Variants in LARP1B observed in about 807,000 individuals in gnomAD.
LARP1B encodes the protein La ribonucleoprotein 1B, also known as la-related protein 1B.
A neutral mutation model predicts 114.2 loss-of-function variants in LARP1B; 76 were observed. The ratio of observed to expected loss-of-function variants is 0.67; its 90% CI spans 0.55 to 0.81. LARP1B has a LOEUF of 0.81. Ranked by LOEUF, LARP1B falls within the 30% of genes least tolerant of loss-of-function variation. LARP1B has a pLI of 0.00. For missense variants in LARP1B, 1,014 were observed against 1,075.8 expected, an observed-to-expected ratio of 0.94 and a Z score of 0.80; for synonymous variants, 345 against 348.0, an observed-to-expected ratio of 0.99 and a Z score of 0.10.
chr4:128,067,779 A>G (rs1314885284), intron 1 of LARP1B, among the ~76,000 whole-genome samples: 1 of 151,158 alleles, frequency 6.6e-6, no homozygotes, highest in African/African-American at 2.4e-5. Context: ...CAATGGAGCA[A>G]TCTCATTGCA....
At chr4:128,098,751 A>ATATATATG (rs1779047446) in intron 8 of LARP1B, among the ~76,000 whole-genome samples, 1 of 18,648 alleles carries the variant, frequency 5.4e-5, no homozygotes, top group Non-Finnish European at 1.0e-4. Flanking sequence ...GTATGTGTAT[A>ATATATATG]TATATATATA....
At chr4:128,181,054 C>CT (rs1210356392) in intron 15 of LARP1B, among the ~76,000 whole-genome samples, 2 of 151,786 alleles carry the variant, frequency 1.3e-5, no homozygotes, top group Non-Finnish European at 2.9e-5. Flanking sequence ...ATATTTGGGT[C>CT]TTTCTTTGCT....
intron 1 of LARP1B, among the ~76,000 whole-genome samples, chr4:128,066,165 C>CTTTT (rs59927866): frequency 0.016 from 1,579 of 99,098 alleles, 50 homozygotes; most frequent in East Asian, 0.077. Flanking sequence ...TTTCTTTCTT[C>CTTTT]TTTTTTTTTT....
chr4:128,098,743 A>ATGTGTGTGTGTG (rs201554291), intron 8 of LARP1B, among the ~76,000 whole-genome samples: 3 of 24,352 alleles, frequency 1.2e-4, no homozygotes, highest in East Asian at 7.9e-4. Context: ...CTGTATATGT[A>ATGTGTGTGTGTG]TGTGTATATA....
At chr4:128,109,099 G>A (rs905166039) in intron 9 of LARP1B, among the ~76,000 whole-genome samples, 2 of 152,106 alleles carry the variant, frequency 1.3e-5, no homozygotes, top group African/African-American at 4.8e-5. Context: ...TAGGTCATAG[G>A]AATAAATATG....
At chr4:128,073,949 T>C (rs1766754805) in intron 1 of LARP1B, among the ~76,000 whole-genome samples, 1 of 151,410 alleles carries the variant, frequency 6.6e-6, no homozygotes, top group Admixed American at 6.6e-5. Context: ...GTGTTTTTTT[T>C]TGTTTTTTGT....
intron 9 of LARP1B, among the ~76,000 whole-genome samples, chr4:128,111,121 A>G (rs1783956526): frequency 6.7e-6 from 1 of 149,550 alleles, no homozygotes; most frequent in Admixed American, 6.7e-5. Context: ...ATCTCTGCTC[A>G]CTGCAGACTC....
At chr4:128,204,232 G>A (rs1357426421) in intron 17 of LARP1B, among the ~76,000 whole-genome samples, 2 of 146,806 alleles carry the variant, frequency 1.4e-5, no homozygotes, top group Non-Finnish European at 3.0e-5. Context: ...GAGATACTGA[G>A]GCTTCACCTC....
At chr4:128,129,455 A>G (rs1259017608) in intron 11 of LARP1B, among the ~76,000 whole-genome samples, 3 of 152,138 alleles carry the variant, frequency 2.0e-5, no homozygotes, top group South Asian at 2.1e-4. Flanking sequence ...CAACATAACC[A>G]TAGATTCTGT....
intron 10 of LARP1B, among the ~76,000 whole-genome samples, chr4:128,117,913 CTTTT>C (rs35542391): frequency 3.9e-5 from 4 of 102,590 alleles, no homozygotes; most frequent in East Asian, 2.7e-4. Flanking sequence ...AACAGAAAAT[CTTTT>C]TTTTTTTTTT....
In LARP1B at chr4:128,210,395, C is replaced by T. The variant is rs1474724687; in HGVS notation, c.*342C>T. On this transcript the variant is annotated 3_prime_UTR_variant, in exon 20 of 20. Coordinates refer to ENST00000326639, the MANE Select transcript of LARP1B (RefSeq NM_018078.4). The stretch of plus-strand genomic sequence containing the variant: ...GCATTCCTTAAATATATTTAAAAAA[C>T]AATACAAGGAATGCCTAACATTTCA... 2 of 1,054,772 alleles carry T rather than the reference C, an allele frequency of 1.9e-6. No homozygotes were observed. The highest frequency in any genetic ancestry group is 2.3e-6 in the Non-Finnish European group (2 of 878,216). 65.3% of individuals were successfully genotyped at this position (1,054,772 alleles called of 1,614,324 possible).
chr4:128,210,193 A>G lies in LARP1B; in HGVS notation c.*140A>G. The stretch of plus-strand genomic sequence containing the variant: ...AAATCTTCTGGTGTTTAATTGTGAT[A>G]ATAAGAAAGAAGAAAAAGAAAGAAA... On this transcript the variant is annotated 3_prime_UTR_variant, in exon 20 of 20. Transcript: ENST00000326639. 6.9e-7 allele frequency: 1 copy of G among 1,457,172 alleles called. No homozygotes were observed. Among genetic ancestry groups the G allele is most frequent in the Non-Finnish European group, 9.0e-7 (1 of 1,107,020 alleles). The allele number at this position is 1,457,172 out of a possible 1,614,324, so 90.3% of individuals were successfully genotyped here.
intron 9 of LARP1B, among the ~76,000 whole-genome samples, chr4:128,111,775 G>T (rs1401076729): frequency 6.6e-6 from 1 of 151,948 alleles, no homozygotes; most frequent in African/African-American, 2.4e-5. Context: ...TCCGCCTCCT[G>T]GGTTCAAGTG....
At chr4:128,126,495 T>C (rs1000700201) in intron 11 of LARP1B, among the ~76,000 whole-genome samples, 14 of 152,132 alleles carry the variant, frequency 9.2e-5, no homozygotes, top group African/African-American at 3.1e-4. Flanking sequence ...TTTAAGGAAA[T>C]AAAAATATGT....
At chr4:128,160,970 C>A (rs573075096) in intron 11 of LARP1B, among the ~76,000 whole-genome samples, 1 of 152,116 alleles carries the variant, frequency 6.6e-6, no homozygotes, top group African/African-American at 2.4e-5. Flanking sequence ...AATTTCCTTC[C>A]TGTTTTAAAT....
chr4:128,068,019 T>C (rs541460390), intron 1 of LARP1B, among the ~76,000 whole-genome samples: 1 of 152,270 alleles, frequency 6.6e-6, no homozygotes, highest in East Asian at 1.9e-4. Flanking sequence ...TAGCTGGGAC[T>C]ACAGGCGCCC....
chr4:128,182,111 CTTTTTTTT>C (rs35344280), intron 15 of LARP1B, among the ~76,000 whole-genome samples: 3 of 113,188 alleles, frequency 2.7e-5, no homozygotes, highest in Non-Finnish European at 5.3e-5. Context: ...TGCACCCGGC[CTTTTTTTT>C]TTTTTTTTTT....
chr4:128,151,224 G>A (rs1251109021), intron 11 of LARP1B, among the ~76,000 whole-genome samples: 1 of 152,042 alleles, frequency 6.6e-6, no homozygotes, highest in African/African-American at 2.4e-5. Context: ...TAGACATTAT[G>A]TCAGCTTATC....
At chr4:128,090,262 G>A (rs900126235) in intron 5 of LARP1B, among the ~76,000 whole-genome samples, 7 of 151,810 alleles carry the variant, frequency 4.6e-5, no homozygotes, top group Non-Finnish European at 7.4e-5. Context: ...TAGTAGAGGC[G>A]GTATTTCAGT....
Sources: allele counts gnomAD v4.1 joint callset (sites outside exome capture counted in the v4.1 genomes callset), GRCh38; gene constraint gnomAD v4.1.1; transcripts MANE v1.5; gene names NCBI Gene and HGNC (gene_info 2026-07-23, HGNC 2026-07-21).